The following TRAPPC9 variants were observed in gnomAD, a reference collection of about 807,000 sequenced individuals.
TRAPPC9 encodes the protein trafficking protein particle complex subunit 9, also known as IKK2 binding protein.
In TRAPPC9, 83 loss-of-function variants were observed where a neutral mutation model predicts 124.0. The observed-to-expected ratio is 0.67, with a 90% CI of 0.56 to 0.80. TRAPPC9 has a LOEUF of 0.80. TRAPPC9 is among the 30% of genes least tolerant of loss of function. TRAPPC9 has a pLI of 0.00. For synonymous variants in TRAPPC9, 638 were observed against 617.5 expected, an observed-to-expected ratio of 1.03 and a Z score of -0.49; for missense variants, 1,302 against 1,508.3, an observed-to-expected ratio of 0.86 and a Z score of 2.27.
intron 17 of TRAPPC9, among the ~76,000 whole-genome samples, chr8:140,089,245 C>G (rs890256762): frequency 5.3e-5 from 8 of 152,192 alleles, no homozygotes; most frequent in African/African-American, 1.9e-4. Flanking sequence ...GAGTGTTCCC[C>G]AGAGGCAGCA....
At chr8:139,949,242 T>C in intron 19 of TRAPPC9, among the ~76,000 whole-genome samples, 1 of 152,166 alleles carries the variant, frequency 6.6e-6, no homozygotes, top group Non-Finnish European at 1.5e-5. Context: ...AAATTATGAA[T>C]AATTTTTTGC....
At position 139,979,636 on chromosome 8, in the gene TRAPPC9, G is replaced by A. The variant is rs118167751; in HGVS notation, c.2810+9090C>T. On this transcript the variant is annotated intron_variant, in intron 19 of 22. Coordinates refer to ENST00000438773, the MANE Select transcript of TRAPPC9 (RefSeq NM_001160372.4). ...GATGACAACACACAGCAAAGTCTAC[G>A]AACCTCTAGTACAGCAAGAGGGAGA... Among the ~76,000 whole-genome samples, 454 of 152,220 alleles carry A rather than the reference G, an allele frequency of 3.0e-3. 1 individual carries two copies. The highest frequency in any genetic ancestry group is 7.7e-3 in the East Asian group (40 of 5,166).
intron 18 of TRAPPC9, among the ~76,000 whole-genome samples, chr8:140,015,821 T>C (rs912440336): frequency 2.0e-5 from 3 of 152,064 alleles, no homozygotes; most frequent in African/African-American, 7.2e-5. Context: ...AATATATATA[T>C]AAACGGGGTC....
intron 17 of TRAPPC9, among the ~76,000 whole-genome samples, chr8:140,150,025 G>A (rs1021153539): frequency 3.9e-5 from 6 of 152,176 alleles, no homozygotes; most frequent in African/African-American, 1.4e-4. Context: ...CCAATAGCAA[G>A]GACATAGAGG....
At chr8:139,989,987 G>C (rs1157241380) in intron 18 of TRAPPC9, among the ~76,000 whole-genome samples, 1 of 152,174 alleles carries the variant, frequency 6.6e-6, no homozygotes, top group East Asian at 1.9e-4. Context: ...CTGAGCAGAG[G>C]CCATTCTTCT....
At chr8:140,425,667 C>A (rs923892132) in intron 5 of TRAPPC9, among the ~76,000 whole-genome samples, 3 of 151,930 alleles carry the variant, frequency 2.0e-5, no homozygotes, top group Non-Finnish European at 4.4e-5. Flanking sequence ...AACTGGGGCT[C>A]AGCAACTCAT....
chr8:140,221,685 T>C, intron 16 of TRAPPC9, 102 bp from the exon 17 acceptor site: 1 of 1,439,812 alleles, frequency 6.9e-7, no homozygotes, highest in South Asian at 1.2e-5. Context: ...TCGCACAAGC[T>C]GGAGTGCAGT....
intron 21 of TRAPPC9, among the ~76,000 whole-genome samples, chr8:139,789,193 C>T (rs907412947): frequency 1.0e-4 from 15 of 146,842 alleles, no homozygotes; most frequent in Middle Eastern, 3.4e-3. Flanking sequence ...GCCCGGCGGG[C>T]GGGAGACCCA....
intron 12 of TRAPPC9, among the ~76,000 whole-genome samples, chr8:140,288,254 G>A (rs2065546629): frequency 6.6e-6 from 1 of 152,128 alleles, no homozygotes; most frequent in Non-Finnish European, 1.5e-5. Context: ...GAGGTGGGAT[G>A]ATCACCCGAG....
chr8:140,262,542 A>T (rs2064459388), intron 15 of TRAPPC9: 1 of 151,392 alleles, frequency 6.6e-6, no homozygotes. Flanking sequence ...CAGCAAGTTG[A>T]ATGACTTTTA....
chr8:139,813,371 G>A (rs777131621), intron 21 of TRAPPC9, among the ~76,000 whole-genome samples: 22 of 152,246 alleles, frequency 1.4e-4, no homozygotes, highest in Non-Finnish European at 2.2e-4. Context: ...CAAGCAACAC[G>A]CTGCAGTGCC....
At chr8:140,404,201 A>G (rs1487765012) in intron 6 of TRAPPC9, among the ~76,000 whole-genome samples, 1 of 152,228 alleles carries the variant, frequency 6.6e-6, no homozygotes, top group East Asian at 1.9e-4. Context: ...CCTATGATAA[A>G]TGTTAATATC....
chr8:140,290,214 T>C (rs2065608244), intron 12 of TRAPPC9, among the ~76,000 whole-genome samples: 1 of 152,256 alleles, frequency 6.6e-6, no homozygotes, highest in Middle Eastern at 3.4e-3. Flanking sequence ...CTCAGCGAGA[T>C]ACATGCATGA....
chr8:140,437,233 T>C (rs964644847), intron 3 of TRAPPC9, among the ~76,000 whole-genome samples: 2 of 152,156 alleles, frequency 1.3e-5, no homozygotes, highest in African/African-American at 4.8e-5. Flanking sequence ...TAATTTTGTT[T>C]TGTAGAAGTG....
Position 140,327,190 on chromosome 8 carries a change from T to C in TRAPPC9, c.1496-15816A>G, listed in dbSNP as rs547808360. ...ATTGCTTGAACCTGGGAGGCGGAGGTTGCAGTGAGCTGAGATCACGCCACT... is the reference window on the plus strand; with the variant it reads ...ATTGCTTGAACCTGGGAGGCGGAGGCTGCAGTGAGCTGAGATCACGCCACT... On this transcript the variant is annotated intron_variant, in intron 9 of 22. Coordinates refer to ENST00000438773, the MANE Select transcript of TRAPPC9 (RefSeq NM_001160372.4). 1.3e-3 allele frequency among the ~76,000 whole-genome samples: 200 copies of C among 151,648 alleles called. 1 individual carries two copies. Among genetic ancestry groups the C allele is most frequent in the African/African-American group, 4.7e-3 (195 of 41,312 alleles).
At position 140,123,854 on chromosome 8, in the gene TRAPPC9, C is replaced by A. The variant is rs1314757686; in HGVS notation, c.2556+97605G>T. 2.6e-5 allele frequency among the ~76,000 whole-genome samples: 4 copies of A among 152,284 alleles called. No individual in the cohort carries two copies. The East Asian group carries it at 7.7e-4, about 29-fold the overall frequency. On this transcript the variant is annotated intron_variant, in intron 17 of 22. Transcript: ENST00000438773. ...AGTCTTGAGTTCTTTGTGAGGAGTG[C>A]AGGTGAAATGGGTCCATCAGGAGAG...
intron 15 of TRAPPC9, among the ~76,000 whole-genome samples, chr8:140,272,947 G>A (rs926803482): frequency 6.6e-6 from 1 of 151,620 alleles, no homozygotes; most frequent in Admixed American, 6.6e-5. Flanking sequence ...ACAGCAAGTA[G>A]TAACTTGTGT....
intron 17 of TRAPPC9, among the ~76,000 whole-genome samples, chr8:140,120,804 C>CCATT (rs2060973258): frequency 6.6e-6 from 1 of 151,816 alleles, no homozygotes; most frequent in Non-Finnish European, 1.5e-5. Context: ...ATCCATCCAT[C>CCATT]CATTCATCCA....
chr8:139,853,659 G>C (rs1172187617), intron 21 of TRAPPC9, among the ~76,000 whole-genome samples: 1 of 152,222 alleles, frequency 6.6e-6, no homozygotes, highest in South Asian at 2.1e-4. Context: ...GGAGGCCTTT[G>C]CATCAGTTCC....
Sources: allele counts gnomAD v4.1 joint callset (sites outside exome capture counted in the v4.1 genomes callset), GRCh38; gene constraint gnomAD v4.1.1; transcripts MANE v1.5; gene names NCBI Gene and HGNC (gene_info 2026-07-23, HGNC 2026-07-21).